The following ERC1 variants were observed in gnomAD, a reference collection of about 807,000 sequenced individuals.
ERC1 encodes the protein RAB6 interacting protein 2.
ERC1 carries 56 observed loss-of-function variants against 132.0 expected under a neutral mutation model. The observed-to-expected ratio is 0.42, with a 90% CI of 0.34 to 0.53. The LOEUF (loss-of-function observed/expected upper bound fraction) is 0.53, where lower values mean the gene tolerates loss of function less well. ERC1 is among the 20% of genes least tolerant of loss of function. The pLI, the probability that ERC1 is intolerant of heterozygous loss-of-function variation, is 0.03. For missense variants in ERC1, 1,202 were observed against 1,349.9 expected (o/e 0.89, Z 1.72); for synonymous variants, 478 against 476.1 (o/e 1.00, Z -0.05).
intron 1 of ERC1, among the ~76,000 whole-genome samples, chr12:1,025,104 C>T (rs994657429): frequency 1.3e-5 from 2 of 152,142 alleles, no homozygotes; most frequent in Middle Eastern, 3.2e-3. Flanking sequence ...ATACGTTCTA[C>T]TGGAGCCAGT....
At chr12:1,258,666 T>G (rs1288010485) in intron 13 of ERC1, among the ~76,000 whole-genome samples, 2 of 152,216 alleles carry the variant, frequency 1.3e-5, no homozygotes, top group African/African-American at 4.8e-5. Flanking sequence ...ATCTTCAGGA[T>G]TTATGGAAGA....
At chr12:1,272,916 C>G (rs553246750) in intron 14 of ERC1, among the ~76,000 whole-genome samples, 5 of 138,600 alleles carry the variant, frequency 3.6e-5, no homozygotes, top group Non-Finnish European at 6.0e-5. Context: ...CCACTGCACT[C>G]TAGCCTCAGT....
chr12:1,437,433 T>C (rs1245203372), intron 17 of ERC1, among the ~76,000 whole-genome samples: 1 of 152,224 alleles, frequency 6.6e-6, no homozygotes, highest in Non-Finnish European at 1.5e-5. Flanking sequence ...AGTATAGAGA[T>C]GCCTACAGTC....
intron 15 of ERC1, among the ~76,000 whole-genome samples, chr12:1,351,914 T>C (rs926217296): frequency 9.2e-5 from 14 of 152,284 alleles, no homozygotes; most frequent in African/African-American, 3.1e-4. Flanking sequence ...TATTTGAATA[T>C]TTAAACACAT....
chr12:1,381,286 A>G (rs958793999), intron 16 of ERC1: 7 of 152,234 alleles, frequency 4.6e-5, no homozygotes, highest in African/African-American at 1.4e-4. Flanking sequence ...GAAGAATGCA[A>G]TTCCGAGAAA....
At chr12:1,041,884 A>G (rs939951539) in intron 2 of ERC1, among the ~76,000 whole-genome samples, 3 of 152,102 alleles carry the variant, frequency 2.0e-5, no homozygotes, top group Admixed American at 1.3e-4. Context: ...TAGTTGGCTA[A>G]CCAACAGGCC....
intron 12 of ERC1, among the ~76,000 whole-genome samples, chr12:1,201,409 C>T (rs1247699409): frequency 6.6e-6 from 1 of 152,122 alleles, no homozygotes; most frequent in Non-Finnish European, 1.5e-5. Context: ...AGTAGTATTT[C>T]TAAATTAATA....
At chr12:1,393,628 G>A (rs938971290) in intron 16 of ERC1, among the ~76,000 whole-genome samples, 1 of 150,842 alleles carries the variant, frequency 6.6e-6, no homozygotes, top group Admixed American at 6.6e-5. Flanking sequence ...GTGTGTGTGT[G>A]TGTGTGTGTG....
Position 1,367,951 on chromosome 12 carries a change from CTTTTT to C in ERC1, c.2781-3864_2781-3860del, listed in dbSNP as rs59027116. On this transcript the variant is annotated intron_variant, in intron 15 of 18. Coordinates refer to ENST00000360905, the MANE Select transcript of ERC1 (RefSeq NM_178040.4). ...TGAAAGGTTTCGTGTCCACATTTTC[CTTTTT>C]TTTTTTTTTTTTTTTTTAACTCTGG... Among the ~76,000 whole-genome samples, 140 of 118,540 alleles carry C rather than the reference CTTTTT, an allele frequency of 1.2e-3. 1 individual carries two copies. The highest frequency in any genetic ancestry group is 4.3e-3 in the African/African-American group (132 of 30,492). 77.8% of individuals were successfully genotyped at this position (118,540 alleles called of 152,430 possible).
In ERC1 at chr12:1,171,356, CTTTTTTTTTTTT is replaced by C. The variant is rs57007848; in HGVS notation, c.1738-9172_1738-9161del. On this transcript the variant is annotated intron_variant, in intron 8 of 18. Coordinates refer to ENST00000360905, the MANE Select transcript of ERC1 (RefSeq NM_178040.4). ...TCAGCAATAGTCTGGGCAAAACATT[CTTTTTTTTTTTT>C]TTTTTTTTTTTGGTAAATTATAGTT... 4.4e-4 allele frequency among the ~76,000 whole-genome samples: 38 copies of C among 87,296 alleles called. 1 individual carries two copies. In the South Asian group the frequency reaches 9.1e-3, roughly 21 times the overall value. The allele number at this position is 87,296 out of a possible 152,430, so 57.3% of individuals were successfully genotyped here.
intron 8 of ERC1, among the ~76,000 whole-genome samples, chr12:1,145,083 C>G (rs1461026096): frequency 1.3e-5 from 2 of 151,516 alleles, no homozygotes; most frequent in African/African-American, 2.4e-5. Context: ...GTGGTGCAAT[C>G]TCGGCTCACT....
chr12:1,450,776 G>A (rs562004603), intron 18 of ERC1, among the ~76,000 whole-genome samples: 18 of 152,262 alleles, frequency 1.2e-4, no homozygotes, highest in Middle Eastern at 3.4e-3. Context: ...GTACACAAGC[G>A]TTCCAGTTTC....
chr12:1,300,186 C>T (rs568760431), intron 15 of ERC1, among the ~76,000 whole-genome samples: 1 of 152,152 alleles, frequency 6.6e-6, no homozygotes, highest in African/African-American at 2.4e-5. Flanking sequence ...TCTGCTCTTC[C>T]ACCAACCTGA....
In ERC1 at chr12:1,388,223, C is replaced by T. The variant is rs936658254; in HGVS notation, c.2925+16246C>T. 3.3e-5 allele frequency among the ~76,000 whole-genome samples: 5 copies of T among 151,894 alleles called. No homozygotes were observed. In the East Asian group the frequency reaches 7.8e-4, roughly 24 times the overall value. ...AATTAGCCAGGCGTGGTGGTGGGCACCTGTAGTCCCAGCTACTCGGAGAGG... is the reference window on the plus strand; with the variant it reads ...AATTAGCCAGGCGTGGTGGTGGGCATCTGTAGTCCCAGCTACTCGGAGAGG... On this transcript the variant is annotated intron_variant, in intron 16 of 18. Transcript: ENST00000360905.
chr12:1,066,982 A>AT (rs1712805265), intron 2 of ERC1, among the ~76,000 whole-genome samples: 1 of 152,002 alleles, frequency 6.6e-6, no homozygotes, highest in South Asian at 2.1e-4. Context: ...TAGTTTTTGT[A>AT]TTTTTTATAG....
chr12:1,340,074 G>A (rs576674294), intron 15 of ERC1, among the ~76,000 whole-genome samples: 3 of 152,272 alleles, frequency 2.0e-5, no homozygotes, highest in African/African-American at 7.2e-5. Flanking sequence ...CGTGGCCAGC[G>A]TGTGACCGTG....
chr12:1,444,755 G>A lies in ERC1; in HGVS notation c.3213+5G>A, dbSNP rs780890123. On this transcript the variant is annotated splice_donor_5th_base_variant and intron_variant, in intron 18 of 18. Coordinates refer to ENST00000360905, the MANE Select transcript of ERC1 (RefSeq NM_178040.4). The stretch of plus-strand genomic sequence containing the variant: ...CAGAAGATGACCCGGGGGCAGGTGA[G>A]CCTCTCACTCAAACTTTGAAAAGAG... 4 of 1,612,438 alleles carry A rather than the reference G, an allele frequency of 2.5e-6. No homozygotes were observed. The highest frequency in any genetic ancestry group is 1.1e-5 in the South Asian group (1 of 90,812).
In ERC1 at chr12:1,491,603, T is replaced by C; in HGVS notation, c.*1373T>C. 4.7e-6 allele frequency: 1 copy of C among 213,032 alleles called. No homozygotes were observed. The highest frequency in any genetic ancestry group is 9.4e-6 in the Non-Finnish European group (1 of 106,282). The allele number at this position is 213,032 out of a possible 1,614,324, so 13.2% of individuals were successfully genotyped here. A position where few individuals can be genotyped will look rare whatever the true frequency, so the allele number is the denominator to read the frequency against. On this transcript the variant is annotated 3_prime_UTR_variant, in exon 19 of 19. Coordinates refer to ENST00000360905, the MANE Select transcript of ERC1 (RefSeq NM_178040.4). Reference sequence around the variant, plus strand: ...AATGGAATTCATGAGTTTGGGGGTCTCAGTCACCCGCTTGCCTGTAGGATT... The same window carrying C: ...AATGGAATTCATGAGTTTGGGGGTCCCAGTCACCCGCTTGCCTGTAGGATT...
chr12:1,119,074 T>A (rs1946767348), intron 7 of ERC1, among the ~76,000 whole-genome samples: 1 of 152,172 alleles, frequency 6.6e-6, no homozygotes, highest in Non-Finnish European at 1.5e-5. Context: ...AGACAGAGTC[T>A]CACTGTGTTG....
Sources: allele counts gnomAD v4.1 joint callset (sites outside exome capture counted in the v4.1 genomes callset), GRCh38; gene constraint gnomAD v4.1.1; transcripts MANE v1.5; gene names NCBI Gene and HGNC (gene_info 2026-07-23, HGNC 2026-07-21).